The following UNC13C variants were observed in gnomAD, a reference collection of about 807,000 sequenced individuals.
UNC13C encodes unc-13 homolog C.
UNC13C carries 174 observed loss-of-function variants against 245.4 expected under a neutral mutation model. The ratio of observed to expected loss-of-function variants is 0.71; its 90% confidence interval spans 0.63 to 0.80. The LOEUF is 0.80. Ranked by LOEUF, UNC13C falls within the 30% of genes least tolerant of loss-of-function variation. The probability of loss-of-function intolerance (pLI) is 0.00; values close to 1 mark genes in which losing one functional copy is unlikely to be tolerated. For missense variants in UNC13C, 2,829 were observed against 2,602.9 expected, an observed-to-expected ratio of 1.09 and a Z score of -1.89; for synonymous variants, 992 against 895.1, an observed-to-expected ratio of 1.11 and a Z score of -1.93.
At chr15:53,892,164 G>T in the UNC13C span, among the ~76,000 whole-genome samples, 2 of 152,122 alleles carry the variant, frequency 1.3e-5, no homozygotes, top group Non-Finnish European at 2.9e-5. Flanking sequence ...TGAAATTCTG[G>T]GTTGAAAATT....
In UNC13C at chr15:54,208,876, C is replaced by T. The variant is rs570973821; in HGVS notation, c.3072-26154C>T. ...TTATTTTGCCCCCAATACATTTATG[C>T]TTATCCCATTTGTCAACACAGGCAA... On this transcript the variant is annotated intron_variant, in intron 4 of 32. Coordinates refer to ENST00000260323, the MANE Select transcript of UNC13C (RefSeq NM_001080534.3). 1.4e-4 allele frequency among the ~76,000 whole-genome samples: 21 copies of T among 152,218 alleles called. No homozygotes were observed. In the South Asian group the frequency reaches 4.4e-3, roughly 32 times the overall value.
intron 13 of UNC13C, among the ~76,000 whole-genome samples, chr15:54,304,524 C>T (rs961222436): frequency 2.0e-5 from 3 of 151,892 alleles, no homozygotes; most frequent in Non-Finnish European, 2.9e-5. Flanking sequence ...CCCTGACGTC[C>T]GTTTCCTCCC....
At chr15:54,516,408 G>C (rs903868543) in intron 24 of UNC13C, among the ~76,000 whole-genome samples, 1 of 152,166 alleles carries the variant, frequency 6.6e-6, no homozygotes, top group Admixed American at 6.5e-5. Context: ...CAGTACGTTT[G>C]GGGCAGGGCC....
intron 28 of UNC13C, 70 bp downstream of exon 28, chr15:54,549,761 C>A: frequency 1.1e-6 from 1 of 949,280 alleles, no homozygotes; most frequent in Non-Finnish European, 1.6e-6. Flanking sequence ...AAGCATCCTC[C>A]TCCTAGTAAT....
the UNC13C span, chr15:53,948,405 A>C: frequency 2.0e-5 from 3 of 152,166 alleles, no homozygotes; most frequent in Non-Finnish European, 4.4e-5. Flanking sequence ...TCATGAGGCC[A>C]GGAGATTGAG....
rs150255895 is a variant in UNC13C at position 54,482,694 on chromosome 15, C to T, written c.4934-11914C>T. Among the ~76,000 whole-genome samples, 697 of 145,564 alleles carry T rather than the reference C, an allele frequency of 4.8e-3. 5 individuals are homozygous for T. The highest frequency in any genetic ancestry group is 0.016 in the African/African-American group (648 of 39,400). Reference sequence around the variant, plus strand: ...TTTAGGTCCCTCTGTGTGGAGGAGGCAAGTGCCAGGTACCTCTAGTTTACC... The same window carrying T: ...TTTAGGTCCCTCTGTGTGGAGGAGGTAAGTGCCAGGTACCTCTAGTTTACC... On this transcript the variant is annotated intron_variant, in intron 19 of 32. Coordinates refer to ENST00000260323, the MANE Select transcript of UNC13C (RefSeq NM_001080534.3).
chr15:54,359,717 A>G (rs2039184704), intron 17 of UNC13C, among the ~76,000 whole-genome samples: 1 of 151,722 alleles, frequency 6.6e-6, no homozygotes, highest in South Asian at 2.1e-4. Context: ...ATCATCTCTA[A>G]TTATGCTTAT....
At chr15:54,528,160 T>C (rs372688365) in intron 25 of UNC13C, among the ~76,000 whole-genome samples, 5 of 152,276 alleles carry the variant, frequency 3.3e-5, no homozygotes, top group East Asian at 1.9e-4. Context: ...AACCACACAT[T>C]TGTGGAATCC....
At chr15:54,060,721 A>T (rs1897780915) in intron 2 of UNC13C, among the ~76,000 whole-genome samples, 1 of 152,132 alleles carries the variant, frequency 6.6e-6, no homozygotes, top group Non-Finnish European at 1.5e-5. Flanking sequence ...ACCAACCCAA[A>T]TGTCCAACAG....
rs1026454702 is a variant in UNC13C, at chr15:54,628,082, T to C, written c.*969T>C. The C allele has an allele frequency of 2.0e-5, 3 of 151,786 alleles. No homozygotes were observed. The highest frequency in any genetic ancestry group is 1.3e-4 in the Admixed American group (2 of 15,214). The allele number at this position is 151,786 out of a possible 1,614,324, so 9.4% of individuals were successfully genotyped here. A position where few individuals can be genotyped will look rare whatever the true frequency, so the allele number is the denominator to read the frequency against. On this transcript the variant is annotated 3_prime_UTR_variant, in exon 33 of 33. Coordinates refer to ENST00000260323, the MANE Select transcript of UNC13C (RefSeq NM_001080534.3). Reference sequence around the variant, plus strand: ...TGTTTTCATCCACTTAGTGAAAAAATAGTAAAATTAAGTCGGAAGAAATTG... The same window carrying C: ...TGTTTTCATCCACTTAGTGAAAAAACAGTAAAATTAAGTCGGAAGAAATTG...
the UNC13C span, among the ~76,000 whole-genome samples, chr15:53,891,730 C>A: frequency 1.3e-5 from 2 of 152,046 alleles, no homozygotes; most frequent in Non-Finnish European, 2.9e-5. Flanking sequence ...TTCCTCTGTC[C>A]CTTTATTTTG....
At chr15:54,066,723 T>C (rs568908242) in intron 2 of UNC13C, among the ~76,000 whole-genome samples, 1 of 152,216 alleles carries the variant, frequency 6.6e-6, no homozygotes, top group African/African-American at 2.4e-5. Flanking sequence ...TTTTGAGTAG[T>C]GGAGACCAGA....
chr15:54,318,718 C>A (rs777009450), intron 13 of UNC13C, among the ~76,000 whole-genome samples: 2 of 151,856 alleles, frequency 1.3e-5, no homozygotes, highest in Non-Finnish European at 2.9e-5. Flanking sequence ...TCTCTTCACT[C>A]TCTTGAGTTT....
intron 24 of UNC13C, among the ~76,000 whole-genome samples, chr15:54,514,241 T>G (rs1169066230): frequency 6.6e-6 from 1 of 152,140 alleles, no homozygotes; most frequent in Non-Finnish European, 1.5e-5. Context: ...ATGAGAAAAT[T>G]ACAGAATTCA....
At chr15:53,854,208 C>T in the UNC13C span, among the ~76,000 whole-genome samples, 2 of 149,676 alleles carry the variant, frequency 1.3e-5, no homozygotes, top group African/African-American at 2.5e-5. Flanking sequence ...GCAACTTCTG[C>T]CTCCCGGATT....
chr15:53,897,634 T>G, the UNC13C span, among the ~76,000 whole-genome samples: 1 of 152,136 alleles, frequency 6.6e-6, no homozygotes, highest in Non-Finnish European at 1.5e-5. Flanking sequence ...ATCCACAAGG[T>G]CATCACACTG....
intron 2 of UNC13C, among the ~76,000 whole-genome samples, chr15:54,139,970 G>C (rs1188805521): frequency 6.6e-6 from 1 of 151,896 alleles, no homozygotes; most frequent in African/African-American, 2.4e-5. Context: ...AATAAAAAAT[G>C]TTTTCTTAGT....
intron 4 of UNC13C, among the ~76,000 whole-genome samples, chr15:54,178,523 C>T (rs891025530): frequency 6.6e-6 from 1 of 152,016 alleles, no homozygotes; most frequent in African/African-American, 2.4e-5. Flanking sequence ...TAAGTAGTTC[C>T]TAGAAACAGC....
intron 4 of UNC13C, among the ~76,000 whole-genome samples, chr15:54,143,930 T>C (rs1348224272): frequency 6.6e-6 from 1 of 152,174 alleles, no homozygotes; most frequent in Non-Finnish European, 1.5e-5. Context: ...CTAACCAGTT[T>C]AACTGTTAAC....
Sources: gnomAD v4.1 joint callset for allele counts (sites outside exome capture counted in the v4.1 genomes callset) on GRCh38, gnomAD v4.1.1 for gene constraint, MANE v1.5 for transcripts, NCBI Gene and HGNC (gene_info 2026-07-23, HGNC 2026-07-21) for gene names.